The following ADGRG7 variants were observed in gnomAD, a reference collection of about 807,000 sequenced individuals.
ADGRG7 encodes the protein G-protein coupled receptor 128.
A neutral mutation model predicts 88.6 loss-of-function variants in ADGRG7; 82 were observed. The observed-to-expected ratio is 0.93, with a 90% CI of 0.77 to 1.11. The LOEUF is 1.11. Among genes scored for constraint, ADGRG7 ranks in the 50% most tolerant of loss-of-function variants. ADGRG7 has a pLI of 0.00. For synonymous variants in ADGRG7, 381 were observed against 345.2 expected (o/e 1.10, Z -1.15); for missense variants, 945 against 953.4 (o/e 0.99, Z 0.12).
intron 6 of ADGRG7, among the ~76,000 whole-genome samples, chr3:100,642,173 T>G (rs1707651535): frequency 1.3e-5 from 2 of 152,198 alleles, no homozygotes; most frequent in African/African-American, 2.4e-5. Context: ...CTCCTGGAAC[T>G]CCCACTGTTT....
intron 1 of ADGRG7, among the ~76,000 whole-genome samples, chr3:100,610,325 A>G (rs1707129448): frequency 6.6e-6 from 1 of 152,216 alleles, no homozygotes; most frequent in African/African-American, 2.4e-5. Context: ...ATGAACAAGG[A>G]CACACACATG....
chr3:100,690,910 T>A (rs370456997), intron 15 of ADGRG7, among the ~76,000 whole-genome samples: 2 of 152,222 alleles, frequency 1.3e-5, no homozygotes, highest in East Asian at 3.9e-4. Flanking sequence ...GACAGGGACA[T>A]TTAAGTCTGC....
chr3:100,659,281 T>C (rs538294514), intron 13 of ADGRG7, among the ~76,000 whole-genome samples: 63 of 146,344 alleles, frequency 4.3e-4, no homozygotes, highest in South Asian at 4.0e-3. Context: ...AAAAAAAAAA[T>C]ACAAAAAAAT....
chr3:100,622,751 T>C (rs1707332136), intron 1 of ADGRG7, among the ~76,000 whole-genome samples: 1 of 151,966 alleles, frequency 6.6e-6, no homozygotes, highest in African/African-American at 2.4e-5. Flanking sequence ...GTGGCTTCCA[T>C]TTTTATCTTC....
Position 100,609,889 on chromosome 3 carries a change from G to C in ADGRG7, c.33G>C (p.Val11=), listed in dbSNP as rs72914695. 2.0e-3 allele frequency: 3,208 copies of C among 1,614,000 alleles called. 55 individuals carry two copies. The African/African-American group carries it at 0.038, about 19-fold the overall frequency. Residue 11 remains valine (V), a synonymous_variant, in exon 1 of 16, where the codon GTG becomes GTC. Transcript: ENST00000273352. The part of the protein sequence containing the change: MASCRAWNLR[V]LVAVVCGLLT... Reference sequence around the variant, plus strand: ...CCTGCCGTGCCTGGAACCTTAGGGTGCTGGTGGCTGTCGTGTGTGGACTAC... The same window carrying C: ...CCTGCCGTGCCTGGAACCTTAGGGTCCTGGTGGCTGTCGTGTGTGGACTAC...
intron 13 of ADGRG7, 145 bp from the exon 14 acceptor site, chr3:100,659,543 A>G: frequency 1.6e-6 from 1 of 608,240 alleles, no homozygotes; most frequent in East Asian, 3.0e-5. Flanking sequence ...GAAAGTCATA[A>G]GTCATCTCAA....
At chr3:100,668,878 G>C (rs898023478) in intron 14 of ADGRG7, 71 bp from the exon 15 acceptor site, 1 of 1,110,492 alleles carries the variant, frequency 9.0e-7, no homozygotes, top group African/African-American at 1.6e-5. Flanking sequence ...TTCTAAATAG[G>C]AGAGTAATAA....
intron 15 of ADGRG7, among the ~76,000 whole-genome samples, chr3:100,688,752 T>C (rs1205572203): frequency 3.9e-4 from 60 of 152,334 alleles, no homozygotes; most frequent in Non-Finnish European, 1.5e-4. Context: ...CAGTTTGTTA[T>C]AATTTCTGTT....
intron 1 of ADGRG7, 144 bp downstream of exon 1, chr3:100,610,115 A>C (rs1183308053): frequency 1.6e-6 from 1 of 614,340 alleles, no homozygotes; most frequent in African/African-American, 1.8e-5. Context: ...ATAAAAGACC[A>C]AGTCAGTTAA....
chr3:100,630,592 G>A (rs183518500), intron 2 of ADGRG7, 113 bp from the exon 3 acceptor site: 25 of 419,836 alleles, frequency 6.0e-5, no homozygotes, highest in Admixed American at 2.2e-4. Flanking sequence ...GGTTCTATAA[G>A]CCTTCTATTG....
At chr3:100,686,882 C>G (rs941404256) in intron 15 of ADGRG7, among the ~76,000 whole-genome samples, 1 of 151,936 alleles carries the variant, frequency 6.6e-6, no homozygotes, top group South Asian at 2.1e-4. Context: ...TCCATATGAA[C>G]GAACTTTAAA....
intron 15 of ADGRG7, among the ~76,000 whole-genome samples, chr3:100,674,754 T>C (rs2094962808): frequency 6.6e-6 from 1 of 152,116 alleles, no homozygotes; most frequent in Non-Finnish European, 1.5e-5. Flanking sequence ...ATTTTTTGTA[T>C]TTTTAGTAGA....
At position 100,659,751 on chromosome 3, in the gene ADGRG7, C is replaced by A. The variant is rs778489988; in HGVS notation, c.1887C>A (p.Ile629=). ...VIKSPLLWSF[I]VPVTIILISN... is the part of the protein sequence containing the mutation. ...AAAGTCCGCTGTTGTGGTCATTCATCGTACCTGTAACCATTATCCTCATCA... is the reference window on the plus strand; with the variant it reads ...AAAGTCCGCTGTTGTGGTCATTCATAGTACCTGTAACCATTATCCTCATCA... Residue 629 remains isoleucine, a synonymous_variant, in exon 14 of 16, where the codon ATC becomes ATA. Transcript: ENST00000273352. 2 of 1,613,968 alleles carry A rather than the reference C, an allele frequency of 1.2e-6. No homozygotes were observed. Among genetic ancestry groups the A allele is most frequent in the East Asian group, 2.2e-5 (1 of 44,870 alleles).
At chr3:100,651,833 A>G (rs1351808210) in intron 11 of ADGRG7, among the ~76,000 whole-genome samples, 3 of 152,194 alleles carry the variant, frequency 2.0e-5, no homozygotes, top group Non-Finnish European at 4.4e-5. Context: ...CCTACTGACC[A>G]TGGTTCAACT....
intron 8 of ADGRG7, among the ~76,000 whole-genome samples, chr3:100,644,826 T>G (rs1707713714): frequency 6.6e-6 from 1 of 152,324 alleles, no homozygotes; most frequent in African/African-American, 2.4e-5. Context: ...CCACTCTGCC[T>G]AGTCTCATTC....
chr3:100,660,184 G>C (rs1329618423), intron 14 of ADGRG7, among the ~76,000 whole-genome samples: 2 of 152,140 alleles, frequency 1.3e-5, no homozygotes, highest in African/African-American at 4.8e-5. Flanking sequence ...GAAATGAGAA[G>C]GTTGTGGGAA....
intron 15 of ADGRG7, among the ~76,000 whole-genome samples, chr3:100,673,009 T>C (rs2094960583): frequency 1.3e-5 from 2 of 152,172 alleles, no homozygotes; most frequent in African/African-American, 4.8e-5. Flanking sequence ...GATACTGGCC[T>C]GAAATTTTTT....
intron 1 of ADGRG7, among the ~76,000 whole-genome samples, chr3:100,614,639 C>A (rs745676286): frequency 1.2e-4 from 19 of 152,136 alleles, no homozygotes; most frequent in Non-Finnish European, 2.6e-4. Flanking sequence ...GATTTTAAAC[C>A]CCAAAAGACT....
At chr3:100,668,860 A>G in intron 14 of ADGRG7, 89 bp from the exon 15 acceptor site, 1 of 887,986 alleles carries the variant, frequency 1.1e-6, no homozygotes, top group Non-Finnish European at 1.7e-6. Context: ...TGGGCAGCTG[A>G]ATATACATTC....
Sources: allele counts gnomAD v4.1 joint callset (sites outside exome capture counted in the v4.1 genomes callset), GRCh38; gene constraint gnomAD v4.1.1; transcripts MANE v1.5; gene names NCBI Gene and HGNC (gene_info 2026-07-23, HGNC 2026-07-21).